Variants in ZNF469 observed in about 807,000 individuals in gnomAD.
The protein encoded by ZNF469 is zinc finger protein 469.
Under a neutral mutation model 1.0 loss-of-function variants are expected in ZNF469, and 1 was observed. The observed-to-expected ratio is 1.00, with a 90% CI of 0.35 to 4.73. ZNF469 has a LOEUF of 4.73. Among genes scored for constraint, ZNF469 ranks in the 30% most tolerant of loss-of-function variants. The pLI is 0.16. For synonymous variants in ZNF469, 2,703 were observed against 2,363.4 expected (o/e 1.14, Z -4.17); for missense variants, 6,100 against 5,356.3 (o/e 1.14, Z -4.33).
At chr16:88,395,840 G>A (rs2133792) in intron 1 of ZNF469, among the ~76,000 whole-genome samples, 102,106 of 152,116 alleles carry the variant, frequency 0.67, 34,879 homozygotes, top group African/African-American at 0.79. Flanking sequence ...GCATCAGGCC[G>A]CACGTCTTTC....
the ZNF469 span, among the ~76,000 whole-genome samples, chr16:88,294,430 A>C: frequency 6.6e-6 from 1 of 152,126 alleles, no homozygotes; most frequent in South Asian, 2.1e-4. Context: ...CTTCCACATC[A>C]TTGTGCAAAC....
the ZNF469 span, among the ~76,000 whole-genome samples, chr16:88,152,122 G>C: frequency 2.6e-5 from 4 of 152,330 alleles, no homozygotes; most frequent in East Asian, 7.7e-4. The surrounding 1 kb of genome is among the most constrained non-coding windows in gnomAD (Gnocchi z 4.2). Flanking sequence ...GCCATGGGTG[G>C]AGGAGGGCAG....
At chr16:88,244,763 G>A in the ZNF469 span, among the ~76,000 whole-genome samples, 1 of 119,434 alleles carries the variant, frequency 8.4e-6, no homozygotes, top group Non-Finnish European at 1.6e-5. Context: ...ACAGAGGTAT[G>A]GCTGGGTAAG....
At chr16:88,105,492 A>T in the ZNF469 span, among the ~76,000 whole-genome samples, 16 of 152,006 alleles carry the variant, frequency 1.1e-4, no homozygotes, top group Admixed American at 6.5e-4. Context: ...TTTAGTAGAG[A>T]TGGAGTTTCA....
At chr16:88,250,883 G>GT in the ZNF469 span, among the ~76,000 whole-genome samples, 14 of 151,988 alleles carry the variant, frequency 9.2e-5, no homozygotes, top group Non-Finnish European at 1.6e-4. Context: ...CCGTTTTGGG[G>GT]TTTTTTTGTT....
the ZNF469 span, among the ~76,000 whole-genome samples, chr16:88,293,226 A>G: frequency 6.6e-6 from 1 of 151,352 alleles, no homozygotes; most frequent in African/African-American, 2.4e-5. Context: ...GGATAGGTAG[A>G]TGGGTGGATG....
At chr16:88,117,894 G>A in the ZNF469 span, among the ~76,000 whole-genome samples, 3 of 152,260 alleles carry the variant, frequency 2.0e-5, no homozygotes, top group South Asian at 2.1e-4. Flanking sequence ...CACTGCGCCC[G>A]TCAGCAGAGC....
At chr16:88,110,637 G>T in the ZNF469 span, among the ~76,000 whole-genome samples, 1 of 152,250 alleles carries the variant, frequency 6.6e-6, no homozygotes, top group African/African-American at 2.4e-5. Context: ...GTGGGCTGCT[G>T]TCCTGCGGGT....
the ZNF469 span, among the ~76,000 whole-genome samples, chr16:88,226,712 C>T: frequency 1.3e-5 from 2 of 151,724 alleles, no homozygotes; most frequent in East Asian, 2.0e-4. Flanking sequence ...AGACAAGGCT[C>T]AGGAGGGCCC....
the ZNF469 span, among the ~76,000 whole-genome samples, chr16:88,256,952 T>C: frequency 1.2e-3 from 3 of 2,430 alleles, 1 homozygote; most frequent in Non-Finnish European, 2.7e-3. Context: ...CTTTCTTTCT[T>C]TTCTTTTCTT....
the ZNF469 span, among the ~76,000 whole-genome samples, chr16:88,235,599 C>A: frequency 2.0e-5 from 3 of 152,226 alleles, no homozygotes; most frequent in East Asian, 3.8e-4. Flanking sequence ...AGGCTCCTTC[C>A]TTGTCTTGAA....
Position 88,433,755 on chromosome 16 carries a change from A to G in ZNF469, c.6285A>G (p.Pro2095=). The change falls in exon 3 of 3, where the codon CCA becomes CCG. Residue 2095 remains proline (P), a synonymous_variant. Coordinates refer to ENST00000565624, the MANE Select transcript of ZNF469 (RefSeq NM_001367624.2). ...CGTCCAGCCCCGGCCTGAACAAGCC[A>G]CTGCTGGCCACAGGGGATAGCCCAG... ...ERASSPGLNK[P]LLATGDSPAP... is the part of the protein sequence containing the mutation. The G allele has an allele frequency of 6.5e-7, 1 of 1,549,324 alleles. No individual in the cohort carries two copies. The highest frequency in any genetic ancestry group is 1.2e-5 in the South Asian group (1 of 84,058).
In ZNF469 at chr16:88,436,577, C is replaced by T. The variant is rs1429994420; in HGVS notation, c.9107C>T (p.Thr3036Ile). 7 of 1,542,388 alleles carry T rather than the reference C, an allele frequency of 4.5e-6. No homozygotes were observed. The highest frequency in any genetic ancestry group is 1.2e-5 in the South Asian group (1 of 83,046). Residue 3036 changes from threonine (T) to isoleucine (I), a missense_variant, in exon 3 of 3, where the codon ACC (threonine) becomes ATC (isoleucine). Transcript: ENST00000565624. ...TGTGACGGTGGGCTTCCCGGGAACA[C>T]CCACCTGCTGCCGCTCCGTGCCACG... Reference protein sequence around the residue: ...ERCDGGLPGNTHLLPLRATDF... With the variant: ...ERCDGGLPGNIHLLPLRATDF...
chr16:88,253,534 G>T, the ZNF469 span, among the ~76,000 whole-genome samples: 3 of 150,724 alleles, frequency 2.0e-5, no homozygotes, highest in African/African-American at 7.3e-5. Flanking sequence ...TCCATTTTTT[G>T]TTGTTGTTGT....
the ZNF469 span, among the ~76,000 whole-genome samples, chr16:88,354,194 G>A: frequency 6.6e-6 from 1 of 152,158 alleles, no homozygotes; most frequent in Admixed American, 6.5e-5. Context: ...CCTTCTACGG[G>A]CAGAAAGTCT....
rs1288765204 is a variant in ZNF469 at position 88,438,493 on chromosome 16, G to A, written c.11023G>A (p.Gly3675Ser). 1.3e-6 allele frequency: 2 copies of A among 1,550,114 alleles called. No homozygotes were observed. The highest frequency in any genetic ancestry group is 4.9e-5 in the East Asian group (2 of 40,918). The change falls in exon 3 of 3, where the codon GGC becomes AGC. Residue 3675 changes from glycine (G) to serine (S), a missense_variant. Physicochemically the swap from Gly to Ser is moderately conservative, Grantham distance 56. Coordinates refer to ENST00000565624, the MANE Select transcript of ZNF469 (RefSeq NM_001367624.2). The part of the protein sequence containing the change: ...FHKGSATKPA[G>S]CQSSSKDRSA... ...CAAGGGCAGCGCCACCAAGCCTGCG[G>A]GCTGCCAGAGCTCATCAAAGGACAG...
the ZNF469 span, among the ~76,000 whole-genome samples, chr16:88,149,022 C>G: frequency 6.6e-6 from 1 of 152,204 alleles, no homozygotes; most frequent in Non-Finnish European, 1.5e-5. Context: ...TTCTGGCTGT[C>G]TTTGTGCCTG....
At chr16:88,345,221 A>G in the ZNF469 span, among the ~76,000 whole-genome samples, 1 of 152,116 alleles carries the variant, frequency 6.6e-6, no homozygotes, top group East Asian at 1.9e-4. Context: ...TTGAGTCCAA[A>G]AGGAGACCCT....
the ZNF469 span, among the ~76,000 whole-genome samples, chr16:88,109,088 G>C: frequency 2.0e-5 from 3 of 152,364 alleles, no homozygotes; most frequent in South Asian, 2.1e-4. Flanking sequence ...CCAGCTGCCA[G>C]GGTTGTCGAC....
Sources: allele counts gnomAD v4.1 joint callset (sites outside exome capture counted in the v4.1 genomes callset), GRCh38; gene constraint gnomAD v4.1.1; non-coding constraint Gnocchi (gnomAD v3.1); transcripts MANE v1.5; gene names NCBI Gene and HGNC (gene_info 2026-07-23, HGNC 2026-07-21).